Variants in PARD3 observed in about 807,000 individuals in gnomAD.
PARD3 encodes par-3 family cell polarity regulator.
PARD3 carries 75 observed loss-of-function variants against 155.4 expected under a neutral mutation model. That is an observed-to-expected ratio of 0.48 (90% confidence interval 0.40 to 0.58). The LOEUF is 0.58. PARD3 is among the 20% of genes least tolerant of loss of function. The pLI, the probability that PARD3 is intolerant of heterozygous loss-of-function variation, is 0.00. For synonymous variants in PARD3, 576 were observed against 610.5 expected (o/e 0.94, Z 0.83); for missense variants, 1,642 against 1,721.7 (o/e 0.95, Z 0.82).
chr10:34,635,327 C>T (rs1156721986), intron 2 of PARD3, among the ~76,000 whole-genome samples: 1 of 152,200 alleles, frequency 6.6e-6, no homozygotes, highest in Non-Finnish European at 1.5e-5. Flanking sequence ...CTTGTGGTTA[C>T]CTGTCTGAGC....
chr10:34,230,767 C>T (rs929862919), intron 22 of PARD3, among the ~76,000 whole-genome samples: 2 of 152,108 alleles, frequency 1.3e-5, no homozygotes, highest in African/African-American at 4.8e-5. Flanking sequence ...GTGGCTCACG[C>T]CCATAATCCC....
chr10:34,368,891 T>C (rs1423768443), intron 12 of PARD3, among the ~76,000 whole-genome samples: 1 of 149,546 alleles, frequency 6.7e-6, no homozygotes, highest in Non-Finnish European at 1.5e-5. Flanking sequence ...CTATCTTGAC[T>C]AATGAGATGG....
intron 2 of PARD3, among the ~76,000 whole-genome samples, chr10:34,618,353 AAC>A (rs2091405359): frequency 6.6e-6 from 1 of 152,196 alleles, no homozygotes; most frequent in Non-Finnish European, 1.5e-5. Context: ...GACTCCCGCA[AAC>A]ACTGAAATAG....
intron 5 of PARD3, among the ~76,000 whole-genome samples, chr10:34,420,302 T>C (rs1287159734): frequency 6.6e-6 from 1 of 152,240 alleles, no homozygotes; most frequent in Non-Finnish European, 1.5e-5. Flanking sequence ...AGCATCCTTA[T>C]TCACGTGCAA....
chr10:34,134,740 A>G (rs1340466018), intron 22 of PARD3, among the ~76,000 whole-genome samples: 2 of 152,204 alleles, frequency 1.3e-5, no homozygotes, highest in African/African-American at 4.8e-5. Flanking sequence ...AACAGGCTGC[A>G]ATGGTTTTCA....
chr10:34,790,136 A>G (rs7068716), intron 1 of PARD3, among the ~76,000 whole-genome samples: 118,972 of 152,174 alleles, frequency 0.78, 47,692 homozygotes, highest in African/African-American at 0.95. Context: ...ATGTGCTTTC[A>G]AAGGTGGAGG....
At chr10:34,709,696 G>A (rs1476145221) in intron 1 of PARD3, among the ~76,000 whole-genome samples, 2 of 152,224 alleles carry the variant, frequency 1.3e-5, no homozygotes, top group Admixed American at 1.3e-4. Context: ...CTGGAATTTG[G>A]GGAGAGACTT....
At chr10:34,553,908 C>T (rs1393240988) in intron 2 of PARD3, among the ~76,000 whole-genome samples, 1 of 152,132 alleles carries the variant, frequency 6.6e-6, no homozygotes, top group East Asian at 1.9e-4. Flanking sequence ...ATACTACAAC[C>T]GCCTACTGCT....
At chr10:34,340,520 G>A (rs1176760448) in intron 16 of PARD3, among the ~76,000 whole-genome samples, 1 of 152,098 alleles carries the variant, frequency 6.6e-6, no homozygotes, top group Non-Finnish European at 1.5e-5. Context: ...TTTAAATCCT[G>A]TGCTTTCAAA....
intron 22 of PARD3, among the ~76,000 whole-genome samples, chr10:34,172,824 TAC>T (rs1217854160): frequency 1.3e-5 from 2 of 150,528 alleles, no homozygotes; most frequent in Admixed American, 1.3e-4. Context: ...GCTAAAAAGG[TAC>T]AGATAATTGC....
chr10:34,713,738 C>A (rs978963983), intron 1 of PARD3, among the ~76,000 whole-genome samples: 2 of 152,012 alleles, frequency 1.3e-5, no homozygotes, highest in African/African-American at 2.4e-5. Context: ...TGCACTCCAG[C>A]CTGGGTGACA....
intron 19 of PARD3, among the ~76,000 whole-genome samples, chr10:34,329,712 G>C (rs61842466): frequency 0.074 from 11,235 of 152,032 alleles, 569 homozygotes; most frequent in Non-Finnish European, 0.1. Flanking sequence ...AACTGGGCCT[G>C]GAAAGGCCCA....
At chr10:34,705,221 T>C (rs897051778) in intron 1 of PARD3, among the ~76,000 whole-genome samples, 2 of 152,210 alleles carry the variant, frequency 1.3e-5, no homozygotes, top group Non-Finnish European at 2.9e-5. Flanking sequence ...CCCAGCACTT[T>C]TGAGAGGTGG....
chr10:34,599,113 C>CAAACA (rs1253379116), intron 2 of PARD3, among the ~76,000 whole-genome samples: 3 of 152,140 alleles, frequency 2.0e-5, no homozygotes, highest in African/African-American at 7.2e-5. Context: ...CACACTCCCC[C>CAAACA]AAACAAAACA....
At chr10:34,382,457 T>A in intron 9 of PARD3, 83 bp downstream of exon 9, 1 of 1,457,268 alleles carries the variant, frequency 6.9e-7, no homozygotes, top group South Asian at 1.3e-5. Flanking sequence ...GTAGGTTGAC[T>A]TTTAAAATAA....
intron 2 of PARD3, among the ~76,000 whole-genome samples, chr10:34,640,196 C>T (rs1179748850): frequency 6.6e-6 from 1 of 152,194 alleles, no homozygotes; most frequent in African/African-American, 2.4e-5. Flanking sequence ...CACACCTGCC[C>T]CATCCCTGGG....
intron 5 of PARD3, among the ~76,000 whole-genome samples, chr10:34,444,439 T>C (rs1326745156): frequency 6.6e-6 from 1 of 152,220 alleles, no homozygotes; most frequent in African/African-American, 2.4e-5. Context: ...ACAGTTACCA[T>C]TAAAAAGGAA....
chr10:34,397,294 A>G (rs1843434288), intron 7 of PARD3, among the ~76,000 whole-genome samples: 1 of 152,196 alleles, frequency 6.6e-6, no homozygotes, highest in South Asian at 2.1e-4. Context: ...CAATTCCACA[A>G]AGAAGCTTAA....
intron 7 of PARD3, among the ~76,000 whole-genome samples, chr10:34,391,320 G>A (rs1842852750): frequency 6.6e-6 from 1 of 151,940 alleles, no homozygotes; most frequent in Admixed American, 6.6e-5. Context: ...AGAGAAAGGA[G>A]GAAAAAAGCT....
Sources: gnomAD v4.1 joint callset for allele counts (sites outside exome capture counted in the v4.1 genomes callset) on GRCh38, gnomAD v4.1.1 for gene constraint, MANE v1.5 for transcripts, NCBI Gene and HGNC (gene_info 2026-07-23, HGNC 2026-07-21) for gene names.